EPHA5: variants seen among roughly 807,000 people sequenced by gnomAD.
EPHA5 encodes ephrin type-A receptor 5.
In EPHA5, 60 loss-of-function variants were observed where a neutral mutation model predicts 105.0. The observed-to-expected ratio is 0.57, with a 90% CI of 0.46 to 0.71. The LOEUF is 0.71. EPHA5 is among the 30% of genes least tolerant of loss of function. EPHA5 has a pLI of 0.00. For synonymous variants in EPHA5, 513 were observed against 449.1 expected (o/e 1.14, Z -1.80); for missense variants, 1,218 against 1,274.7 (o/e 0.96, Z 0.68).
At chr4:65,601,514 C>T in intron 3 of EPHA5, 127 bp downstream of exon 3, 1 of 966,674 alleles carries the variant, frequency 1.0e-6, no homozygotes, top group Non-Finnish European at 1.5e-6. Flanking sequence ...AAAAATAAAA[C>T]TTGAGAGAAA....
intron 11 of EPHA5, 21 bp from the exon 12 acceptor site, chr4:65,353,124 T>C (rs778585978): frequency 8.2e-5 from 122 of 1,492,940 alleles, no homozygotes; most frequent in Non-Finnish European, 1.1e-4. Flanking sequence ...AACAGAGTGA[T>C]ATAACCTGCT....
intron 2 of EPHA5, among the ~76,000 whole-genome samples, chr4:65,623,098 G>A (rs1368359040): frequency 1.3e-5 from 2 of 151,924 alleles, no homozygotes; most frequent in African/African-American, 2.4e-5. Context: ...GTTAAATAAC[G>A]ATTATTTGAA....
Position 65,490,663 on chromosome 4 carries a change from A to G in EPHA5, c.1116T>C (p.Ser372=), listed in dbSNP as rs776571368. 2 of 1,614,170 alleles carry G rather than the reference A, an allele frequency of 1.2e-6. No homozygotes were observed. Among genetic ancestry groups the G allele is most frequent in the East Asian group, 2.2e-5 (1 of 44,880 alleles). ...RNAISNVNET[S]VFLEWIPPAD... is the part of the protein sequence containing the mutation. ...CAGGCGGAATCCATTCCAGAAAGAC[A>G]CTAGTTTCATTAACATTTGAGATGG... The change falls in exon 5 of 17, where the codon AGT becomes AGC. Residue 372 remains serine, a synonymous_variant. Transcript: ENST00000613740.
At chr4:65,418,101 T>C (rs1723568994) in intron 6 of EPHA5, among the ~76,000 whole-genome samples, 1 of 152,148 alleles carries the variant, frequency 6.6e-6, no homozygotes, top group Non-Finnish European at 1.5e-5. Context: ...ATACAGTTTT[T>C]GGTGACTGGA....
chr4:65,521,678 G>A (rs1734736008), intron 3 of EPHA5, among the ~76,000 whole-genome samples: 1 of 151,990 alleles, frequency 6.6e-6, no homozygotes, highest in Admixed American at 6.6e-5. Context: ...TGGGAAGCAA[G>A]CATTATAGAA....
chr4:65,548,135 T>C (rs1233806951), intron 3 of EPHA5, among the ~76,000 whole-genome samples: 1 of 143,612 alleles, frequency 7.0e-6, no homozygotes, highest in Admixed American at 7.6e-5. Context: ...ATGACTATGA[T>C]ATTGGAGTTA....
At chr4:65,344,057 AAAG>A (rs1282652144) in intron 14 of EPHA5, among the ~76,000 whole-genome samples, 2 of 152,214 alleles carry the variant, frequency 1.3e-5, no homozygotes, top group African/African-American at 4.8e-5. Context: ...CTATAATGTT[AAAG>A]AAGTGATTAA....
At chr4:65,642,040 G>A (rs1025737070) in intron 2 of EPHA5, among the ~76,000 whole-genome samples, 2 of 151,848 alleles carry the variant, frequency 1.3e-5, no homozygotes, top group Non-Finnish European at 2.9e-5. Flanking sequence ...CTCTTCCAAG[G>A]CTCTATTTTA....
At chr4:65,341,828 T>G (rs1721756035) in intron 14 of EPHA5, among the ~76,000 whole-genome samples, 1 of 151,984 alleles carries the variant, frequency 6.6e-6, no homozygotes, top group Non-Finnish European at 1.5e-5. Context: ...ACTTGAAATC[T>G]CACATATAGG....
intron 8 of EPHA5, among the ~76,000 whole-genome samples, chr4:65,381,190 T>C (rs534144458): frequency 5.0e-4 from 76 of 151,878 alleles, no homozygotes; most frequent in Admixed American, 1.3e-3. Context: ...TACATAAGGC[T>C]GAGCATAGCT....
At chr4:65,545,455 T>A (rs1396539220) in intron 3 of EPHA5, among the ~76,000 whole-genome samples, 14 of 151,924 alleles carry the variant, frequency 9.2e-5, no homozygotes, top group African/African-American at 3.4e-4. Context: ...AAACTTGTGA[T>A]GCCAAGTTTT....
chr4:65,466,951 T>A (rs1016473757), intron 5 of EPHA5, among the ~76,000 whole-genome samples: 2 of 152,256 alleles, frequency 1.3e-5, no homozygotes, highest in East Asian at 3.9e-4. Flanking sequence ...CATATAGTTG[T>A]CCCACATGAA....
At chr4:65,621,601 G>A (rs951003023) in intron 2 of EPHA5, among the ~76,000 whole-genome samples, 2 of 152,012 alleles carry the variant, frequency 1.3e-5, no homozygotes, top group Non-Finnish European at 2.9e-5. Flanking sequence ...ATAAATGAAG[G>A]TACCAACATC....
At chr4:65,360,473 C>T (rs1717175204) in intron 11 of EPHA5, among the ~76,000 whole-genome samples, 1 of 151,592 alleles carries the variant, frequency 6.6e-6, no homozygotes, top group African/African-American at 2.4e-5. Flanking sequence ...TGACATTATT[C>T]CCATGCTAGT....
In EPHA5 at chr4:65,336,127, T is replaced by A. The variant is rs2148814239; in HGVS notation, c.2596-2A>T. ...GCCTTCCTCTACCGCTTTAATCACC[T>A]GTATAAAGCAAAACAGAACCAGCAC... On this transcript the variant is annotated splice_acceptor_variant, in intron 14 of 16. Coordinates refer to ENST00000613740, the MANE Select transcript of EPHA5 (RefSeq NM_001281766.3). LOFTEE classifies it high-confidence loss of function. 1 of 1,595,134 alleles carries A rather than the reference T, an allele frequency of 6.3e-7. No individual in the cohort carries two copies. Among genetic ancestry groups the A allele is most frequent in the Non-Finnish European group, 8.5e-7 (1 of 1,170,414 alleles).
At chr4:65,627,139 T>G (rs1168895316) in intron 2 of EPHA5, among the ~76,000 whole-genome samples, 1 of 152,206 alleles carries the variant, frequency 6.6e-6, no homozygotes, top group African/African-American at 2.4e-5. Context: ...CCATACTTCA[T>G]TATGATAAAG....
rs1218395975 is a variant in EPHA5 at position 65,582,862 on chromosome 4, T to G, written c.910+18779A>C. On this transcript the variant is annotated intron_variant, in intron 3 of 16. Transcript: ENST00000613740. ...GCTGGTTGGCTATCATTTGATTCTA[T>G]AACTTAGAATTACATAATAGATGAT... Among the ~76,000 whole-genome samples the G allele has an allele frequency of 3.3e-5, 5 of 151,768 alleles. 1 individual carries two copies. The East Asian group carries it at 9.6e-4, about 29-fold the overall frequency.
chr4:65,507,211 G>A (rs1291020628), intron 3 of EPHA5, among the ~76,000 whole-genome samples: 1 of 152,064 alleles, frequency 6.6e-6, no homozygotes, highest in Non-Finnish European at 1.5e-5. Flanking sequence ...GCTCTGTTCT[G>A]TTCCATTGGT....
intron 11 of EPHA5, among the ~76,000 whole-genome samples, 196 bp from the exon 12 acceptor site, chr4:65,353,299 T>G (rs1325663578): frequency 6.8e-6 from 1 of 147,270 alleles, no homozygotes; most frequent in African/African-American, 2.5e-5. Context: ...TTTAATATAT[T>G]TAATATTTTA....
Sources: gnomAD v4.1 joint callset for allele counts (sites outside exome capture counted in the v4.1 genomes callset) on GRCh38, gnomAD v4.1.1 for gene constraint, MANE v1.5 for transcripts, NCBI Gene and HGNC (gene_info 2026-07-23, HGNC 2026-07-21) for gene names.